Variants in COPZ1 observed in about 807,000 individuals in gnomAD.
The protein encoded by COPZ1 is coatomer subunit zeta-1.
Under a neutral mutation model 31.7 loss-of-function variants are expected in COPZ1, and 4 were observed. The observed-to-expected ratio is 0.13, with a 90% confidence interval of 0.06 to 0.29. The LOEUF (loss-of-function observed/expected upper bound fraction) is 0.29. Ranked by LOEUF, COPZ1 falls within the 10% of genes least tolerant of loss-of-function variation. COPZ1 has a pLI of 1.00. For synonymous variants in COPZ1, 74 were observed against 79.0 expected (o/e 0.94, Z 0.33); for missense variants, 156 against 211.5 (o/e 0.74, Z 1.63).
Position 54,350,733 on chromosome 12 carries a change from C to T in COPZ1, c.*210C>T, listed in dbSNP as rs1040941122. The T allele has an allele frequency of 6.1e-5, 36 of 593,680 alleles. No homozygotes were observed. The East Asian group carries it at 9.7e-4, about 16-fold the overall frequency. The allele number at this position is 593,680 out of a possible 1,614,324, so 36.8% of individuals were successfully genotyped here. A position where few individuals can be genotyped will look rare whatever the true frequency, so the allele number is the denominator to read the frequency against. Reference sequence around the variant, plus strand: ...TTCTTGCAGTTCTGGGAGTAAAGCTCCCAGCATATTTAGATAATAGGGCAG... The same window carrying T: ...TTCTTGCAGTTCTGGGAGTAAAGCTTCCAGCATATTTAGATAATAGGGCAG... On this transcript the variant is annotated 3_prime_UTR_variant, in exon 9 of 9. Transcript: ENST00000262061.
intron 1 of COPZ1, 45 bp downstream of exon 1, chr12:54,325,226 G>T (rs902535601): frequency 3.2e-6 from 5 of 1,547,498 alleles, no homozygotes; most frequent in Non-Finnish European, 4.4e-6. Flanking sequence ...GTCCACAGGG[G>T]CCGGGAGTCA....
intron 5 of COPZ1, 88 bp from the exon 6 acceptor site, chr12:54,347,679 C>T (rs1035622055): frequency 4.4e-6 from 5 of 1,138,476 alleles, no homozygotes; most frequent in Non-Finnish European, 5.1e-6. Context: ...GTTTATTGGT[C>T]TAGTTTAGGT....
chr12:54,342,391 C>CT (rs967376020), intron 3 of COPZ1, 104 bp downstream of exon 3: 791 of 817,436 alleles, frequency 9.7e-4, no homozygotes, highest in Middle Eastern at 1.2e-3. Context: ...CTGCCTTTTT[C>CT]TTTTTTTTTC....
At chr12:54,348,229 G>A in intron 7 of COPZ1, 178 bp downstream of exon 7, 1 of 611,378 alleles carries the variant, frequency 1.6e-6, no homozygotes, top group South Asian at 2.1e-5. Context: ...AAAGAAAGAA[G>A]CAGAAATAAC....
At chr12:54,334,537 C>T (rs895789610) in intron 1 of COPZ1, among the ~76,000 whole-genome samples, 14 of 151,968 alleles carry the variant, frequency 9.2e-5, no homozygotes, top group Admixed American at 2.0e-4. Flanking sequence ...GCCCTTAACC[C>T]CAGAGGAGCT....
At chr12:54,327,008 T>G (rs1806354470) in intron 1 of COPZ1, among the ~76,000 whole-genome samples, 2 of 126,666 alleles carry the variant, frequency 1.6e-5, no homozygotes, top group Non-Finnish European at 3.2e-5. Flanking sequence ...TGAGATAGAG[T>G]CTGGCTGTGT....
chr12:54,350,756 C>G lies in COPZ1; in HGVS notation c.*233C>G. ...CTCCCAGCATATTTAGATAATAGGG[C>G]AGGGGAAGCACCCTCTTTCTTTCTA... On this transcript the variant is annotated 3_prime_UTR_variant, in exon 9 of 9. Coordinates refer to ENST00000262061, the MANE Select transcript of COPZ1 (RefSeq NM_016057.3). 1.7e-6 allele frequency: 1 copy of G among 578,010 alleles called. No individual in the cohort carries two copies. The highest frequency in any genetic ancestry group is 2.8e-5 in the East Asian group (1 of 35,186). The allele number at this position is 578,010 out of a possible 1,614,324, so 35.8% of individuals were successfully genotyped here.
At chr12:54,337,386 T>A in intron 1 of COPZ1, 1 of 494,704 alleles carries the variant, frequency 2.0e-6, no homozygotes, top group South Asian at 1.5e-5. Context: ...CCTAAGCTGA[T>A]AAGGTCTTTC....
chr12:54,337,337 G>A, intron 1 of COPZ1: 1 of 532,810 alleles, frequency 1.9e-6, no homozygotes, highest in East Asian at 5.5e-5. Context: ...TTTGGGAGTG[G>A]GAGGGAAGAA....
At chr12:54,350,217 A>G (rs1592213205) in intron 8 of COPZ1, 1 of 694,794 alleles carries the variant, frequency 1.4e-6, no homozygotes, top group Admixed American at 2.0e-5. Context: ...ATGTCCAGTA[A>G]CTCCCTTTTT....
At chr12:54,333,063 CAG>C (rs1436020460) in intron 1 of COPZ1, among the ~76,000 whole-genome samples, 6 of 152,102 alleles carry the variant, frequency 3.9e-5, no homozygotes, top group African/African-American at 1.2e-4. Flanking sequence ...TTTTTTGAGA[CAG>C]AGTCTTGCTC....
Position 54,350,223 on chromosome 12 carries a change from T to C in COPZ1, c.487-253T>C, listed in dbSNP as rs577538696. 1.0e-3 allele frequency: 443 copies of C among 440,958 alleles called. 5 individuals carry two copies. In the South Asian group the frequency reaches 0.01, roughly 10 times the overall value. The allele number at this position is 440,958 out of a possible 1,614,324, so 27.3% of individuals were successfully genotyped here. ...TTTTAACATATGTCCAGTAACTCCC[T>C]TTTTTTTTTTCTTTTATACCAGGTA... is the stretch of plus-strand genomic sequence containing the variant. On this transcript the variant is annotated intron_variant, in intron 8 of 8. Coordinates refer to ENST00000262061, the MANE Select transcript of COPZ1 (RefSeq NM_016057.3).
chr12:54,335,844 GT>G (rs201674327), intron 1 of COPZ1, among the ~76,000 whole-genome samples: 1 of 151,446 alleles, frequency 6.6e-6, no homozygotes, highest in Non-Finnish European at 1.5e-5. Context: ...GCTAATTTTT[GT>G]TTTTTTTAAG....
At chr12:54,344,355 G>A (rs998469391) in intron 4 of COPZ1, among the ~76,000 whole-genome samples, 43 of 152,166 alleles carry the variant, frequency 2.8e-4, no homozygotes, top group African/African-American at 9.2e-4. Context: ...CGAGGCAGGC[G>A]GATCACGAAG....
At chr12:54,349,717 C>A (rs1239615194) in intron 8 of COPZ1, 59 bp downstream of exon 8, 1 of 1,259,130 alleles carries the variant, frequency 7.9e-7, no homozygotes, top group Non-Finnish European at 1.2e-6. Context: ...GCTAGAACAG[C>A]ATTCCACCCA....
In COPZ1 at chr12:54,343,282, A is replaced by G; in HGVS notation, c.227A>G (p.Tyr76Cys). The G allele has an allele frequency of 6.2e-7, 1 of 1,613,748 alleles. No homozygotes were observed. The highest frequency in any genetic ancestry group is 8.5e-7 in the Non-Finnish European group (1 of 1,179,830). ...GTATACAAAAGCAGTATAGATCTCT[A>G]TTTCTATGTGATTGGCAGCTCCTAT... Reference protein sequence around the residue: ...TVVYKSSIDLYFYVIGSSYEN... With the variant: ...TVVYKSSIDLCFYVIGSSYEN... Residue 76 changes from tyrosine to cysteine, a missense_variant, in exon 4 of 9, where the codon TAT becomes TGT. Transcript: ENST00000262061.
chr12:54,337,296 T>G (rs553421594), intron 1 of COPZ1: 2 of 534,422 alleles, frequency 3.7e-6, no homozygotes, highest in African/African-American at 3.8e-5. Context: ...TCACAGAACT[T>G]TGTCTCGAAA....
chr12:54,343,408 G>A (rs764589270), intron 4 of COPZ1, 92 bp downstream of exon 4: 20 of 1,035,052 alleles, frequency 1.9e-5, no homozygotes, highest in South Asian at 3.9e-5. Context: ...TAATAGAGCC[G>A]TGTTCCTCTG....
rs60827109 is a variant in COPZ1, at chr12:54,326,961, CTTTTTTTTTTTTTT to C, written c.18+1804_18+1817del. Among the ~76,000 whole-genome samples, 84 of 43,542 alleles carry C rather than the reference CTTTTTTTTTTTTTT, an allele frequency of 1.9e-3. No homozygotes were observed. In the East Asian group the frequency reaches 0.02, roughly 10 times the overall value. 28.6% of individuals were successfully genotyped at this position (43,542 alleles called of 152,430 possible). A position where few individuals can be genotyped will look rare whatever the true frequency, so the allele number is the denominator to read the frequency against. ...CTGTACCAAGCAGTTAACAAGTATT[CTTTTTTTTTTTTTT>C]TTTTTTTTTTTTTTTTTTTTTTTGA... On this transcript the variant is annotated intron_variant, in intron 1 of 8. Transcript: ENST00000262061.
Sources: gnomAD v4.1 joint callset for allele counts (sites outside exome capture counted in the v4.1 genomes callset) on GRCh38, gnomAD v4.1.1 for gene constraint, MANE v1.5 for transcripts, NCBI Gene and HGNC (gene_info 2026-07-23, HGNC 2026-07-21) for gene names.